Variants in SLC4A4 observed in about 807,000 individuals in gnomAD.
The protein encoded by SLC4A4 is electrogenic sodium bicarbonate cotransporter 1.
SLC4A4 carries 27 observed loss-of-function variants against 111.5 expected under a neutral mutation model. The ratio of observed to expected loss-of-function variants is 0.24; its 90% CI spans 0.18 to 0.33. The LOEUF (loss-of-function observed/expected upper bound fraction) is 0.33. SLC4A4 is among the 10% of genes least tolerant of loss of function. The probability of loss-of-function intolerance (pLI) is 1.00; values close to 1 mark genes in which losing one functional copy is unlikely to be tolerated. For missense variants in SLC4A4, 909 were observed against 1,315.5 expected (o/e 0.69, Z 4.78); for synonymous variants, 443 against 463.4 (o/e 0.96, Z 0.57).
At chr4:71,102,653 T>A (rs1401755992) in intron 2 of SLC4A4, among the ~76,000 whole-genome samples, 13 of 150,500 alleles carry the variant, frequency 8.6e-5, no homozygotes, top group African/African-American at 2.7e-4. Flanking sequence ...ACCCAGAATT[T>A]CATATCCAGC....
At chr4:71,230,584 T>G (rs1002293731) in intron 1 of SLC4A4, among the ~76,000 whole-genome samples, 1 of 152,186 alleles carries the variant, frequency 6.6e-6, no homozygotes, top group Non-Finnish European at 1.5e-5. Flanking sequence ...GCTAATAAAC[T>G]TTAAGCTGCA....
At chr4:71,463,737 G>A (rs1727055266) in intron 12 of SLC4A4, among the ~76,000 whole-genome samples, 1 of 152,128 alleles carries the variant, frequency 6.6e-6, no homozygotes, top group Non-Finnish European at 1.5e-5. Flanking sequence ...TTTGGGTCTT[G>A]CTTCTTGGTT....
chr4:71,336,365 C>T (rs1180489661), intron 3 of SLC4A4, among the ~76,000 whole-genome samples: 3 of 152,142 alleles, frequency 2.0e-5, no homozygotes, highest in African/African-American at 7.2e-5. Context: ...TGCTCTTTGA[C>T]CTTTAAAAAT....
At chr4:71,201,556 T>C (rs1313258559) in intron 1 of SLC4A4, among the ~76,000 whole-genome samples, 1 of 152,196 alleles carries the variant, frequency 6.6e-6, no homozygotes, top group East Asian at 1.9e-4. Context: ...CCCAACCTTC[T>C]TTAATTCCTA....
chr4:71,089,730 A>G (rs1424552440), intron 1 of SLC4A4, among the ~76,000 whole-genome samples: 1 of 151,876 alleles, frequency 6.6e-6, no homozygotes, highest in Non-Finnish European at 1.5e-5. Context: ...TGAAGAGCAA[A>G]TGTTGCTGCC....
chr4:71,254,280 C>T (rs1233113139), intron 2 of SLC4A4, among the ~76,000 whole-genome samples: 4 of 152,076 alleles, frequency 2.6e-5, no homozygotes, highest in African/African-American at 4.8e-5. Flanking sequence ...AGAAGTTTTT[C>T]AATTTAAAAA....
At chr4:71,389,048 A>G (rs1719022911) in intron 6 of SLC4A4, among the ~76,000 whole-genome samples, 1 of 152,214 alleles carries the variant, frequency 6.6e-6, no homozygotes, top group Non-Finnish European at 1.5e-5. Context: ...AGTAGTCAGA[A>G]AATTAAAAAA....
intron 1 of SLC4A4, among the ~76,000 whole-genome samples, chr4:71,195,563 CT>C (rs1745960269): frequency 6.6e-6 from 1 of 152,190 alleles, no homozygotes; most frequent in Non-Finnish European, 1.5e-5. Flanking sequence ...TGTTAAACTA[CT>C]GTTTTAAAAA....
chr4:71,338,709 T>C (rs1560422097), intron 3 of SLC4A4, among the ~76,000 whole-genome samples: 1 of 152,028 alleles, frequency 6.6e-6, no homozygotes, highest in African/African-American at 2.4e-5. Flanking sequence ...AAAATGTTTT[T>C]TTTTTTTTTC....
intron 2 of SLC4A4, among the ~76,000 whole-genome samples, chr4:71,160,919 C>T (rs550700213): frequency 3.3e-5 from 5 of 152,264 alleles, no homozygotes; most frequent in African/African-American, 7.2e-5. Flanking sequence ...GGAAGATCTA[C>T]GTGTTGGAGA....
intron 20 of SLC4A4, 39 bp from the exon 21 acceptor site, chr4:71,555,098 CTTG>C (rs1426660300): frequency 7.5e-7 from 1 of 1,337,322 alleles, no homozygotes; most frequent in Non-Finnish European, 1.1e-6. Flanking sequence ...CCTCTTTTTT[CTTG>C]TTATCATTTT....
At chr4:71,408,882 A>G (rs764920110) in intron 7 of SLC4A4, among the ~76,000 whole-genome samples, 1 of 152,112 alleles carries the variant, frequency 6.6e-6, no homozygotes, top group Non-Finnish European at 1.5e-5. Flanking sequence ...GAATTCCCAC[A>G]TGTTATGGGA....
chr4:71,451,120 A>G (rs1321811923), intron 10 of SLC4A4, 68 bp from the exon 11 acceptor site: 2 of 1,020,294 alleles, frequency 2.0e-6, no homozygotes, highest in Non-Finnish European at 3.1e-6. Context: ...TAGCCAGAGC[A>G]TGATACAGCT....
At chr4:71,290,437 A>T (rs538364043) in intron 3 of SLC4A4, among the ~76,000 whole-genome samples, 1 of 152,304 alleles carries the variant, frequency 6.6e-6, no homozygotes, top group Admixed American at 6.5e-5. Flanking sequence ...AACAGTGCTA[A>T]CTGAAGCATA....
chr4:71,263,540 C>T (rs1230458009), intron 3 of SLC4A4, among the ~76,000 whole-genome samples: 1 of 152,130 alleles, frequency 6.6e-6, no homozygotes, highest in Non-Finnish European at 1.5e-5. Context: ...ATAATCTGGT[C>T]TATCCAAGAA....
chr4:71,456,878 T>G (rs746110944), intron 12 of SLC4A4, among the ~76,000 whole-genome samples: 2 of 152,170 alleles, frequency 1.3e-5, no homozygotes, highest in Non-Finnish European at 1.5e-5. Flanking sequence ...CAGAAAAGCA[T>G]TGGCAGAGCC....
At chr4:71,493,526 T>G (rs1164009042) in intron 15 of SLC4A4, among the ~76,000 whole-genome samples, 1 of 151,912 alleles carries the variant, frequency 6.6e-6, no homozygotes, top group African/African-American at 2.4e-5. Flanking sequence ...GCTCTTTTCT[T>G]TTTTTTTCCT....
chr4:71,161,079 G>A (rs1744606779), intron 2 of SLC4A4, among the ~76,000 whole-genome samples: 1 of 152,196 alleles, frequency 6.6e-6, no homozygotes, highest in South Asian at 2.1e-4. Context: ...AGAGGGCGGA[G>A]AGACTTCCAG....
intron 1 of SLC4A4, among the ~76,000 whole-genome samples, chr4:71,075,991 A>G (rs1741804625): frequency 6.6e-6 from 1 of 151,190 alleles, no homozygotes; most frequent in Non-Finnish European, 1.5e-5. Context: ...ATAAATAAAT[A>G]AATAAATAAA....
Sources: allele counts gnomAD v4.1 joint callset (sites outside exome capture counted in the v4.1 genomes callset), GRCh38; gene constraint gnomAD v4.1.1; transcripts MANE v1.5; gene names NCBI Gene and HGNC (gene_info 2026-07-23, HGNC 2026-07-21).